Variants in CDC14A observed in about 807,000 individuals in gnomAD.
The protein encoded by CDC14A is cell division cycle 14A, also known as dual specificity protein phosphatase CDC14A.
CDC14A carries 53 observed loss-of-function variants against 74.4 expected under a neutral mutation model. That is an observed-to-expected ratio of 0.71 (90% CI 0.57 to 0.89). The LOEUF is 0.89. Among genes scored for constraint, CDC14A ranks in the 40% least tolerant of loss-of-function variants. The probability of loss-of-function intolerance (pLI) is 0.00; values close to 1 mark genes in which losing one functional copy is unlikely to be tolerated. For missense variants in CDC14A, 646 were observed against 713.7 expected (o/e 0.91, Z 1.08); for synonymous variants, 247 against 258.4 (o/e 0.96, Z 0.43).
intron 4 of CDC14A, among the ~76,000 whole-genome samples, chr1:100,394,471 ATTTTAG>A (rs1328874090): frequency 2.0e-5 from 3 of 152,154 alleles, no homozygotes; most frequent in Non-Finnish European, 4.4e-5. Context: ...GTGGTTCTTC[ATTTTAG>A]CAGGGTGCCT....
intron 10 of CDC14A, among the ~76,000 whole-genome samples, chr1:100,478,206 A>T (rs185520840): frequency 6.6e-6 from 1 of 152,294 alleles, no homozygotes; most frequent in East Asian, 1.9e-4. Context: ...AAAATGATGT[A>T]AAAATACATC....
chr1:100,433,655 G>A (rs1172415290), intron 5 of CDC14A, among the ~76,000 whole-genome samples: 2 of 151,790 alleles, frequency 1.3e-5, no homozygotes, highest in Admixed American at 6.6e-5. Flanking sequence ...TTTCTTCTTC[G>A]AGTAACTTCA....
chr1:100,427,665 T>C (rs1663115278), intron 5 of CDC14A, among the ~76,000 whole-genome samples: 2 of 152,196 alleles, frequency 1.3e-5, no homozygotes, highest in African/African-American at 2.4e-5. Context: ...TCTTTTCCTA[T>C]TGTGTCCTGA....
chr1:100,362,781 T>A (rs934331916), intron 2 of CDC14A, among the ~76,000 whole-genome samples: 3 of 152,244 alleles, frequency 2.0e-5, no homozygotes, highest in Non-Finnish European at 4.4e-5. Context: ...ACATCCCCAG[T>A]TCTTGACAAC....
chr1:100,459,773 C>T (rs1396948954), intron 8 of CDC14A, among the ~76,000 whole-genome samples: 1 of 152,180 alleles, frequency 6.6e-6, no homozygotes, highest in African/African-American at 2.4e-5. Flanking sequence ...GCACATTATA[C>T]ACATTGCTAA....
chr1:100,478,794 T>C (rs1669171791), intron 10 of CDC14A, among the ~76,000 whole-genome samples: 1 of 152,206 alleles, frequency 6.6e-6, no homozygotes, highest in South Asian at 2.1e-4. Flanking sequence ...TTTCATCAGC[T>C]TCTACTGAGT....
At chr1:100,407,872 CA>C (rs1660156390) in intron 4 of CDC14A, among the ~76,000 whole-genome samples, 4 of 152,142 alleles carry the variant, frequency 2.6e-5, no homozygotes, top group African/African-American at 7.2e-5. Flanking sequence ...TCATGGGATA[CA>C]TACTGATGTT....
At chr1:100,505,781 G>A (rs1649176232) in intron 15 of CDC14A, among the ~76,000 whole-genome samples, 1 of 152,156 alleles carries the variant, frequency 6.6e-6, no homozygotes. Context: ...AGAAATACCT[G>A]AGGCTGGGTA....
At position 100,465,795 on chromosome 1, in the gene CDC14A, T is replaced by C. The variant is rs143631474; in HGVS notation, c.839-2161T>C. 5.4e-4 allele frequency among the ~76,000 whole-genome samples: 83 copies of C among 152,316 alleles called. 1 individual carries two copies. The highest frequency in any genetic ancestry group is 2.0e-3 in the African/African-American group (82 of 41,578). ...AATAATAATCTAAAATACAGCAACG[T>C]TGTGATAGTCCAGTATGTGATTATC... On this transcript the variant is annotated intron_variant, in intron 9 of 15. Coordinates refer to ENST00000336454, the MANE Select transcript of CDC14A (RefSeq NM_003672.4).
At chr1:100,434,965 C>T (rs1429492276) in intron 5 of CDC14A, among the ~76,000 whole-genome samples, 1 of 152,164 alleles carries the variant, frequency 6.6e-6, no homozygotes, top group African/African-American at 2.4e-5. Flanking sequence ...CTAGCGGCAG[C>T]CTCAGCTCCA....
At position 100,518,748 on chromosome 1, in the gene CDC14A, G is replaced by T. The variant is rs895577387; in HGVS notation, c.*468G>T. ...TGTATTTTAAATCTGTTTAGTTTTA[G>T]TATGGTTTTGTCTCTAATGAATAAA... On this transcript the variant is annotated 3_prime_UTR_variant, in exon 16 of 16. Transcript: ENST00000336454. The T allele has an allele frequency of 2.0e-5, 3 of 152,548 alleles. No individual in the cohort carries two copies. Among genetic ancestry groups the T allele is most frequent in the African/African-American group, 7.2e-5 (3 of 41,406 alleles). The allele number at this position is 152,548 out of a possible 1,614,324, so 9.4% of individuals were successfully genotyped here. A position where few individuals can be genotyped will look rare whatever the true frequency, so the allele number is the denominator to read the frequency against.
chr1:100,465,421 C>T lies in CDC14A; in HGVS notation c.839-2535C>T, dbSNP rs555548864. Among the ~76,000 whole-genome samples, 8 of 152,250 alleles carry T rather than the reference C, an allele frequency of 5.3e-5. No homozygotes were observed. In the South Asian group the frequency reaches 1.7e-3, roughly 32 times the overall value. On this transcript the variant is annotated intron_variant, in intron 9 of 15. Coordinates refer to ENST00000336454, the MANE Select transcript of CDC14A (RefSeq NM_003672.4). The stretch of plus-strand genomic sequence containing the variant: ...GTAGGATTCTTTTATAAGGATTACA[C>T]CTTTGGTTTAATTACAGCTGTATTG...
chr1:100,441,621 G>T (rs1664938179), intron 6 of CDC14A, among the ~76,000 whole-genome samples: 1 of 149,358 alleles, frequency 6.7e-6, no homozygotes, highest in South Asian at 2.1e-4. Context: ...TCACTTTTTT[G>T]TCTGGAAAGG....
intron 3 of CDC14A, among the ~76,000 whole-genome samples, chr1:100,386,429 T>G (rs1481665661): frequency 6.6e-6 from 1 of 152,208 alleles, no homozygotes; most frequent in Non-Finnish European, 1.5e-5. Context: ...GCTTCTTGTG[T>G]AAAGCAGAAA....
chr1:100,463,836 A>G lies in CDC14A; in HGVS notation c.838+955A>G, dbSNP rs1025544498. Among the ~76,000 whole-genome samples, 28 of 152,164 alleles carry G rather than the reference A, an allele frequency of 1.8e-4. 1 individual carries two copies. The highest frequency in any genetic ancestry group is 6.8e-4 in the African/African-American group (28 of 41,438). On this transcript the variant is annotated intron_variant, in intron 9 of 15. Transcript: ENST00000336454. ...GGGTCTTTGATTTCAGCGAGGAGAA[A>G]TCACTAGGGCCGCCCTGGGCTGGAG...
rs772304888 is a variant in CDC14A at position 100,484,312 on chromosome 1, T to C, written c.998T>C (p.Val333Ala). The change falls in exon 11 of 16, where the codon GTC becomes GCC. Residue 333 changes from valine to alanine, a missense_variant. Transcript: ENST00000336454. ...TACAGAAAACAAGCATCGTTGTGGG[T>C]CCAAGGAGACATTTTCCGATCCAAA... ...FLEEKQASLW[V>A]QGDIFRSKLK... The C allele has an allele frequency of 1.3e-6, 2 of 1,591,708 alleles. No individual in the cohort carries two copies. Among genetic ancestry groups the C allele is most frequent in the Admixed American group, 3.5e-5 (2 of 56,422 alleles).
upstream of CDC14A, among the ~76,000 whole-genome samples, chr1:100,352,135 G>T (rs1230942217): frequency 6.6e-6 from 1 of 152,120 alleles, no homozygotes; most frequent in East Asian, 1.9e-4. Flanking sequence ...GAAAGGGGGC[G>T]CCAGCACATC....
At chr1:100,479,770 T>C (rs1198900008) in intron 10 of CDC14A, among the ~76,000 whole-genome samples, 2 of 152,248 alleles carry the variant, frequency 1.3e-5, no homozygotes, top group Admixed American at 6.5e-5. Flanking sequence ...TTTCAACAGT[T>C]ACTGCTGCAT....
Position 100,491,119 on chromosome 1 carries a change from G to C in CDC14A, c.1138-3699G>C, listed in dbSNP as rs748046736. ...GAAAGACAGAGAACAGCCTAACCTA[G>C]GCTATCGGTTAAATAATAAAATTAG... On this transcript the variant is annotated intron_variant, in intron 11 of 15. Coordinates refer to ENST00000336454, the MANE Select transcript of CDC14A (RefSeq NM_003672.4). 3.9e-5 allele frequency among the ~76,000 whole-genome samples: 6 copies of C among 152,182 alleles called. No individual in the cohort carries two copies. The South Asian group carries it at 6.2e-4, about 16-fold the overall frequency.
Sources: allele counts gnomAD v4.1 joint callset (sites outside exome capture counted in the v4.1 genomes callset), GRCh38; gene constraint gnomAD v4.1.1; transcripts MANE v1.5; gene names NCBI Gene and HGNC (gene_info 2026-07-23, HGNC 2026-07-21).